The following NSDHL variants were observed in gnomAD, a reference collection of about 807,000 sequenced individuals.
The protein encoded by NSDHL is sterol-4-alpha-carboxylate 3-dehydrogenase, decarboxylating.
NSDHL carries 1 observed loss-of-function variant against 23.0 expected under a neutral mutation model. The observed-to-expected ratio is 0.04, with a 90% CI of 0.02 to 0.21. The LOEUF (loss-of-function observed/expected upper bound fraction) is 0.21, where lower values mean the gene tolerates loss of function less well. Among genes scored for constraint, NSDHL ranks in the 10% least tolerant of loss-of-function variants. The pLI is 1.00. For missense variants in NSDHL, 237 were observed against 300.9 expected, an observed-to-expected ratio of 0.79 and a Z score of 1.57; for synonymous variants, 128 against 121.1, an observed-to-expected ratio of 1.06 and a Z score of -0.37.
chrX:152,845,895 G>T (rs1213652997), intron 1 of NSDHL, among the ~76,000 whole-genome samples: 1 of 112,629 alleles, frequency 8.9e-6, no homozygotes, highest in African/African-American at 3.2e-5. Flanking sequence ...GACTCCCTAG[G>T]TGTGGGCACT....
At chrX:152,831,828 T>A (rs1239935917) in intron 1 of NSDHL, 8 of 111,242 alleles carry the variant, frequency 7.2e-5, no homozygotes, top group African/African-American at 2.3e-4. Flanking sequence ...TCACCTGTTT[T>A]TCCTCCAGGC....
intron 3 of NSDHL, among the ~76,000 whole-genome samples, chrX:152,854,710 GAGA>G (rs1201483784): frequency 1.8e-5 from 2 of 109,845 alleles, no homozygotes; most frequent in South Asian, 4.0e-4. Context: ...GCGCCCAGCC[GAGA>G]AGGACTTTTA....
chrX:152,840,866 G>C (rs1325682006), intron 1 of NSDHL, among the ~76,000 whole-genome samples: 4 of 113,261 alleles, frequency 3.5e-5, no homozygotes, highest in Non-Finnish European at 5.6e-5. Flanking sequence ...GTTTAAGTCT[G>C]CCAAAGTTTC....
At chrX:152,843,697 A>G (rs1449591809) in intron 1 of NSDHL, among the ~76,000 whole-genome samples, 1 of 112,412 alleles carries the variant, frequency 8.9e-6, no homozygotes, top group Non-Finnish European at 1.9e-5. Flanking sequence ...ACTTAAGGCT[A>G]CGGGAGCAGT....
At chrX:152,858,617 A>G in intron 3 of NSDHL, among the ~76,000 whole-genome samples, 153 bp from the exon 4 acceptor site, 1 of 112,140 alleles carries the variant, frequency 8.9e-6, no homozygotes, top group Middle Eastern at 4.6e-3. Flanking sequence ...GTACTTCGGT[A>G]TCATTGATTC....
intron 3 of NSDHL, among the ~76,000 whole-genome samples, chrX:152,856,180 T>A (rs1384789806): frequency 8.9e-6 from 1 of 111,736 alleles, no homozygotes; most frequent in Non-Finnish European, 1.9e-5. Context: ...AGATCTGGGA[T>A]GGCGCTGTCC....
At chrX:152,848,931 C>G (rs1933315016) in intron 2 of NSDHL, among the ~76,000 whole-genome samples, 1 of 112,554 alleles carries the variant, frequency 8.9e-6, no homozygotes, top group African/African-American at 3.2e-5. Flanking sequence ...GGTATGATTA[C>G]ATGTGTTTAG....
rs369202268 is a variant in NSDHL, at chrX:152,850,152, CCAAA to C, written c.109-105_109-102del. 9.7e-5 allele frequency: 79 copies of C among 815,033 alleles called. No individual in the cohort carries two copies. In the African/African-American group the frequency reaches 1.3e-3, roughly 13 times the overall value. The allele number at this position is 815,033 out of a possible 1,213,427, so 67.2% of individuals were successfully genotyped here. On this transcript the variant is annotated intron_variant, in intron 2 of 7. Coordinates refer to ENST00000370274, the MANE Select transcript of NSDHL (RefSeq NM_015922.3). ...CTTCCAACTTGGCTCAAGAAGAGTT[CCAAA>C]CAAACAAGTATATCTGCCATTGCAG...
intron 7 of NSDHL, among the ~76,000 whole-genome samples, chrX:152,868,460 C>G (rs1933646536): frequency 8.9e-6 from 1 of 112,184 alleles, no homozygotes; most frequent in Non-Finnish European, 1.9e-5. Context: ...TTAAAACAAG[C>G]AGAACACCGT....
chrX:152,849,821 C>T (rs1933328089), intron 2 of NSDHL, among the ~76,000 whole-genome samples: 1 of 112,847 alleles, frequency 8.9e-6, no homozygotes, highest in Non-Finnish European at 1.9e-5. Context: ...CTGTTGTTTT[C>T]AGTGCAAGCT....
chrX:152,849,667 C>A (rs1556846019), intron 2 of NSDHL, among the ~76,000 whole-genome samples: 1 of 112,572 alleles, frequency 8.9e-6, no homozygotes, highest in Non-Finnish European at 1.9e-5. Context: ...ACCAGGAGAT[C>A]CCATCAAGGC....
Position 152,869,124 on chromosome X carries a change from T to C in NSDHL, c.*8T>C, listed in dbSNP as rs1290924508. ...CTGCGGAGGGTCAAGTGAGGGACAC[T>C]GGAGGCTGGGCTCTCTCGACACGTT... On this transcript the variant is annotated 3_prime_UTR_variant, in exon 8 of 8. Coordinates refer to ENST00000370274, the MANE Select transcript of NSDHL (RefSeq NM_015922.3). 1 of 1,188,809 alleles carries C rather than the reference T, an allele frequency of 8.4e-7. No individual in the cohort carries two copies. The highest frequency in any genetic ancestry group is 1.7e-5 in the African/African-American group (1 of 57,530).
At chrX:152,849,460 G>T (rs1933322680) in intron 2 of NSDHL, among the ~76,000 whole-genome samples, 3 of 112,221 alleles carry the variant, frequency 2.7e-5, no homozygotes, top group African/African-American at 9.7e-5. Flanking sequence ...ATCCTGAAAT[G>T]AGGGTATTTA....
intron 1 of NSDHL, among the ~76,000 whole-genome samples, chrX:152,834,720 G>A (rs1285658894): frequency 8.9e-6 from 1 of 112,869 alleles, no homozygotes; most frequent in East Asian, 2.8e-4. Flanking sequence ...CCAAGCATGA[G>A]GCATGAGGTG....
chrX:152,865,679 C>T, intron 5 of NSDHL, 140 bp from the exon 6 acceptor site: 2 of 783,210 alleles, frequency 2.6e-6, no homozygotes, highest in Admixed American at 4.5e-5. Flanking sequence ...CAAGGCAGAC[C>T]ACTGCTCAGT....
chrX:152,850,758 A>G (rs1933344292), intron 3 of NSDHL, among the ~76,000 whole-genome samples: 1 of 112,416 alleles, frequency 8.9e-6, no homozygotes, highest in African/African-American at 3.2e-5. Context: ...GTGCTGGGCC[A>G]CAGGGTCTTG....
At chrX:152,850,191 A>G in intron 2 of NSDHL, 74 bp from the exon 3 acceptor site, 2 of 1,036,457 alleles carry the variant, frequency 1.9e-6, no homozygotes, top group Non-Finnish European at 2.7e-6. Context: ...GTGGCTCATG[A>G]TATGTAAGTC....
chrX:152,850,344 C>T lies in NSDHL; in HGVS notation c.188C>T (p.Ala63Val). Residue 63 changes from alanine (A) to valine (V), a missense_variant, in exon 3 of 8, where the codon GCT becomes GTT. Coordinates refer to ENST00000370274, the MANE Select transcript of NSDHL (RefSeq NM_015922.3). The part of the protein sequence containing the change: ...MVEQLLARGY[A>V]VNVFDIQQGF... ...GAGCAGTTGCTGGCAAGAGGATATG[C>T]TGTCAATGTATTTGATATCCAGCAA... 1 of 1,208,712 alleles carries T rather than the reference C, an allele frequency of 8.3e-7. No homozygotes were observed. The highest frequency in any genetic ancestry group is 1.1e-6 in the Non-Finnish European group (1 of 892,931).
intron 3 of NSDHL, among the ~76,000 whole-genome samples, chrX:152,855,373 G>A (rs782244428): frequency 4.5e-5 from 5 of 111,791 alleles, no homozygotes; most frequent in East Asian, 2.8e-4. Flanking sequence ...CTCTCAAGCC[G>A]GTCGTTGTTC....
Sources: allele counts gnomAD v4.1 joint callset (sites outside exome capture counted in the v4.1 genomes callset), GRCh38; gene constraint gnomAD v4.1.1; transcripts MANE v1.5; gene names NCBI Gene and HGNC (gene_info 2026-07-23, HGNC 2026-07-21).